ARHGEF10L: variants seen among roughly 807,000 people sequenced by gnomAD.
ARHGEF10L encodes the protein rho guanine nucleotide exchange factor 10-like protein.
A neutral mutation model predicts 141.2 loss-of-function variants in ARHGEF10L; 69 were observed. The observed-to-expected ratio is 0.49, with a 90% CI of 0.40 to 0.60. The LOEUF (loss-of-function observed/expected upper bound fraction) is 0.60. Among genes scored for constraint, ARHGEF10L ranks in the 20% least tolerant of loss-of-function variants. The probability of loss-of-function intolerance (pLI) is 0.00; values close to 1 mark genes in which losing one functional copy is unlikely to be tolerated. For synonymous variants in ARHGEF10L, 711 were observed against 718.5 expected, an observed-to-expected ratio of 0.99 and a Z score of 0.17; for missense variants, 1,482 against 1,734.3, an observed-to-expected ratio of 0.85 and a Z score of 2.58.
At chr1:17,684,924 A>G (rs534846080) in intron 26 of ARHGEF10L, among the ~76,000 whole-genome samples, 3 of 152,134 alleles carry the variant, frequency 2.0e-5, no homozygotes, top group Admixed American at 6.5e-5. Context: ...CTGGCTCAGA[A>G]AAAGCAATTT....
chr1:17,575,144 G>C (rs935586488), intron 1 of ARHGEF10L, among the ~76,000 whole-genome samples: 2 of 152,212 alleles, frequency 1.3e-5, no homozygotes, highest in African/African-American at 4.8e-5. Context: ...ATGGAAAGAA[G>C]CCCAGTGCCC....
rs1305944489 is a variant in ARHGEF10L, at chr1:17,615,539, G to A, written c.727-555G>A. On this transcript the variant is annotated intron_variant, in intron 8 of 28. Transcript: ENST00000361221. This position sits in a 1 kb window ranked among gnomAD's most constrained non-coding sequence, Gnocchi z 4.7. ...AGGCAAGGGACGGGTCCCTCACCTG[G>A]GTTTGGCGGATGGGATGGGGGTGTG... 6.6e-6 allele frequency: 1 copy of A among 152,164 alleles called. No homozygotes were observed. Among genetic ancestry groups the A allele is most frequent in the Non-Finnish European group, 1.5e-5 (1 of 68,048 alleles). 9.4% of individuals were successfully genotyped at this position (152,164 alleles called of 1,614,324 possible).
intron 18 of ARHGEF10L, among the ~76,000 whole-genome samples, chr1:17,636,117 C>T (rs891369811): frequency 5.6e-4 from 85 of 152,294 alleles, no homozygotes; most frequent in African/African-American, 2.0e-3. Flanking sequence ...ACTGCACTCC[C>T]TCCCCGCCGC....
chr1:17,570,691 T>A (rs904370560), intron 1 of ARHGEF10L, among the ~76,000 whole-genome samples: 11 of 151,394 alleles, frequency 7.3e-5, no homozygotes, highest in African/African-American at 2.4e-4. Flanking sequence ...GGGGTAGAGG[T>A]GAGAGCAGAG....
intron 1 of ARHGEF10L, among the ~76,000 whole-genome samples, chr1:17,566,711 G>T (rs2077770491): frequency 6.6e-6 from 1 of 152,202 alleles, no homozygotes; most frequent in Non-Finnish European, 1.5e-5. Flanking sequence ...GTTGAGTCCA[G>T]ATGTTCAACT....
At chr1:17,584,408 C>T (rs939693643) in intron 2 of ARHGEF10L, among the ~76,000 whole-genome samples, 9 of 152,208 alleles carry the variant, frequency 5.9e-5, no homozygotes, top group Middle Eastern at 3.4e-3. Flanking sequence ...ATGCTTATCA[C>T]GTGCCTCCTG....
chr1:17,633,529 T>G (rs2060826048), intron 16 of ARHGEF10L, among the ~76,000 whole-genome samples: 2 of 151,844 alleles, frequency 1.3e-5, no homozygotes. Flanking sequence ...TTAATTGTAT[T>G]TTTATTAGAG....
rs2062105477 is a variant in ARHGEF10L at position 17,654,380 on chromosome 1, C to T, written c.2395-256C>T. ...AGAAATCTTATCTGAAAGCTGCTCA[C>T]TTTCAGAGACCCTGGGCTGATACAG... On this transcript the variant is annotated intron_variant, in intron 22 of 28. Transcript: ENST00000361221. The surrounding 1 kb of genome is among the most constrained non-coding windows in gnomAD (Gnocchi z 4.3). Among the ~76,000 whole-genome samples, 1 of 152,220 alleles carries T rather than the reference C, an allele frequency of 6.6e-6. No homozygotes were observed.
At chr1:17,565,836 C>T (rs1197612895) in intron 1 of ARHGEF10L, among the ~76,000 whole-genome samples, 6 of 152,266 alleles carry the variant, frequency 3.9e-5, no homozygotes, top group East Asian at 3.9e-4. Context: ...CTTAAAGAGG[C>T]GGCTGTACAT....
Position 17,656,663 on chromosome 1 carries a change from GCT to G in ARHGEF10L, c.2816_2817del (p.Ala939GlyfsTer103). 1 of 1,613,600 alleles carries G rather than the reference GCT, an allele frequency of 6.2e-7. No individual in the cohort carries two copies. Among genetic ancestry groups the G allele is most frequent in the Non-Finnish European group, 8.5e-7 (1 of 1,180,006 alleles). ...GCGACACAGCCCCTTCCACCTGCTC[GCT>G]GGCCTGCAGGATGGGACCCTTGCTG... is the stretch of plus-strand genomic sequence containing the variant. ...CLRHSPFHLL[A>X]GLQDGTLAAY... is the part of the protein sequence containing the mutation. On this transcript the variant is annotated frameshift_variant, in exon 25 of 29. Transcript: ENST00000361221. LOFTEE classifies it high-confidence loss of function. This position sits in a 1 kb window ranked among gnomAD's most constrained non-coding sequence, Gnocchi z 4.9.
At chr1:17,565,809 A>C (rs2077730580) in intron 1 of ARHGEF10L, among the ~76,000 whole-genome samples, 1 of 152,156 alleles carries the variant, frequency 6.6e-6, no homozygotes, top group Non-Finnish European at 1.5e-5. Context: ...ATGGAGAGGC[A>C]AAAGATGCAG....
chr1:17,608,003 C>A, intron 7 of ARHGEF10L, 26 bp downstream of exon 7: 1 of 1,401,598 alleles, frequency 7.1e-7, no homozygotes, highest in Non-Finnish European at 9.3e-7. Context: ...GTGTCGCTCA[C>A]CTCAGTCAGG....
At chr1:17,640,779 C>G (rs1285609278) in intron 21 of ARHGEF10L, among the ~76,000 whole-genome samples, 3 of 152,320 alleles carry the variant, frequency 2.0e-5, no homozygotes, top group Admixed American at 6.5e-5. Flanking sequence ...AAAAATGATG[C>G]AGGTTGGACT....
At chr1:17,612,763 G>C (rs890302435) in intron 7 of ARHGEF10L, among the ~76,000 whole-genome samples, 3 of 152,190 alleles carry the variant, frequency 2.0e-5, no homozygotes, top group Admixed American at 2.0e-4. Context: ...TAAGACAGGA[G>C]ACCTGGATTT....
chr1:17,521,898 G>C, the ARHGEF10L span, among the ~76,000 whole-genome samples: 1 of 152,070 alleles, frequency 6.6e-6, no homozygotes, highest in Admixed American at 6.6e-5. Context: ...TGGCCTCCTG[G>C]GGCTGAAATG....
At chr1:17,634,202 G>A in intron 16 of ARHGEF10L, 1 of 432,526 alleles carries the variant, frequency 2.3e-6, no homozygotes, top group Admixed American at 4.2e-5. Flanking sequence ...TACCCTCTCT[G>A]CCTTCATGTT....
chr1:17,634,380 G>T, intron 16 of ARHGEF10L, 168 bp from the exon 17 acceptor site: 1 of 1,069,020 alleles, frequency 9.4e-7, no homozygotes, highest in Non-Finnish European at 1.4e-6. Flanking sequence ...AGGAAGGCCC[G>T]CTTCTGTCCA....
chr1:17,624,350 G>A (rs1379163007), intron 12 of ARHGEF10L, 37 bp from the exon 13 acceptor site: 2 of 1,540,966 alleles, frequency 1.3e-6, no homozygotes, highest in African/African-American at 2.7e-5. Flanking sequence ...TCCCTGCATT[G>A]AGGCGGTCTC....
chr1:17,622,009 T>C, intron 11 of ARHGEF10L, 68 bp downstream of exon 11: 1 of 1,552,354 alleles, frequency 6.4e-7, no homozygotes, highest in Admixed American at 1.7e-5. Flanking sequence ...GGTAACTTTA[T>C]ACGGAGTGTT....
Sources: gnomAD v4.1 joint callset for allele counts (sites outside exome capture counted in the v4.1 genomes callset) on GRCh38, gnomAD v4.1.1 for gene constraint, Gnocchi (gnomAD v3.1) non-coding constraint, MANE v1.5 for transcripts, NCBI Gene and HGNC (gene_info 2026-07-23, HGNC 2026-07-21) for gene names.